TSHZ2: variants seen among roughly 807,000 people sequenced by gnomAD.
TSHZ2 encodes teashirt homolog 2.
In TSHZ2, 21 loss-of-function variants were observed where a neutral mutation model predicts 74.4. That is an observed-to-expected ratio of 0.28 (90% confidence interval 0.20 to 0.41). The LOEUF (loss-of-function observed/expected upper bound fraction) is 0.41. TSHZ2 is among the 10% of genes least tolerant of loss of function. The pLI, the probability that TSHZ2 is intolerant of heterozygous loss-of-function variation, is 1.00. For synonymous variants in TSHZ2, 540 were observed against 515.3 expected (o/e 1.05, Z -0.65); for missense variants, 1,244 against 1,293.5 (o/e 0.96, Z 0.59).
intron 1 of TSHZ2, among the ~76,000 whole-genome samples, chr20:53,113,749 T>A (rs183997432): frequency 6.9e-4 from 105 of 152,320 alleles, no homozygotes; most frequent in Non-Finnish European, 1.4e-3. Flanking sequence ...TCCCTTTTAG[T>A]ATTTGTGCTT....
chr20:53,369,072 G>A (rs1245464884), intron 2 of TSHZ2, among the ~76,000 whole-genome samples: 1 of 152,036 alleles, frequency 6.6e-6, no homozygotes, highest in Non-Finnish European at 1.5e-5. Flanking sequence ...GACCAGCCTG[G>A]GCAACATGGC....
rs1427215868 is a variant in TSHZ2 at position 53,201,340 on chromosome 20, A to T, written c.41-52159A>T. 5.3e-5 allele frequency among the ~76,000 whole-genome samples: 8 copies of T among 152,268 alleles called. No individual in the cohort carries two copies. In the East Asian group the frequency reaches 1.5e-3, roughly 29 times the overall value. ...GGCCCACATTCCTTCGGGAGGCTCC[A>T]GAGGAGATTCTTTTTCCAGCTTCTA... On this transcript the variant is annotated intron_variant, in intron 1 of 2. Transcript: ENST00000371497.
chr20:53,400,295 A>G (rs1264186256), intron 2 of TSHZ2: 4 of 152,200 alleles, frequency 2.6e-5, no homozygotes, highest in Non-Finnish European at 4.4e-5. Flanking sequence ...TTTCAAGTCT[A>G]TGGTCTTTCA....
chr20:53,255,444 C>G lies in TSHZ2; in HGVS notation c.1986C>G (p.Ser662Arg). Residue 662 changes from serine to arginine, a missense_variant, in exon 2 of 3, where the codon AGC (serine) becomes AGG (arginine). By Grantham distance (110) the Ser-to-Arg change is moderately radical (BLOSUM62 -1). Coordinates refer to ENST00000371497, the MANE Select transcript of TSHZ2 (RefSeq NM_173485.6). This position sits in a 1 kb window ranked among gnomAD's most constrained non-coding sequence, Gnocchi z 4.1. The stretch of plus-strand genomic sequence containing the variant: ...AGGAGAAGCTGATGAAAGAGGGCAG[C>G]GAGAAGGAGAAACCCCAGCCCCTGG... ...KEEEKLMKEG[S>R]EKEKPQPLEP... 8 of 1,611,412 alleles carry G rather than the reference C, an allele frequency of 5.0e-6. No individual in the cohort carries two copies. The highest frequency in any genetic ancestry group is 6.8e-6 in the Non-Finnish European group (8 of 1,179,934).
At chr20:53,062,819 T>C (rs754534546) in intron 1 of TSHZ2, among the ~76,000 whole-genome samples, 1 of 152,238 alleles carries the variant, frequency 6.6e-6, no homozygotes, top group Non-Finnish European at 1.5e-5. Context: ...ACAAGAGGCC[T>C]AGCTTTCAGC....
chr20:53,434,590 T>C (rs933640861), intron 2 of TSHZ2, among the ~76,000 whole-genome samples: 3 of 152,200 alleles, frequency 2.0e-5, no homozygotes, highest in Admixed American at 6.5e-5. Flanking sequence ...GTTAGGGGGA[T>C]ATTAGACTTG....
Position 52,980,816 on chromosome 20 carries a change from G to T in TSHZ2, c.40+7483G>T, listed in dbSNP as rs142615068. On this transcript the variant is annotated intron_variant, in intron 1 of 2. Transcript: ENST00000371497. ...CAAGGTCTTCTATAGGGGAAAAATGGCTTGTGTAAGTGAGAGCAGTGGCAT... is the reference window on the plus strand; with the variant it reads ...CAAGGTCTTCTATAGGGGAAAAATGTCTTGTGTAAGTGAGAGCAGTGGCAT... Among the ~76,000 whole-genome samples, 51 of 152,246 alleles carry T rather than the reference G, an allele frequency of 3.3e-4. No individual in the cohort carries two copies. In the East Asian group the frequency reaches 9.6e-3, roughly 29 times the overall value.
At chr20:53,160,362 C>A (rs937316804) in intron 1 of TSHZ2, among the ~76,000 whole-genome samples, 4 of 152,264 alleles carry the variant, frequency 2.6e-5, no homozygotes, top group African/African-American at 7.2e-5. Context: ...GAGTCTAATC[C>A]CTAGTCGTGC....
At chr20:53,169,225 C>T (rs1464469747) in intron 1 of TSHZ2, among the ~76,000 whole-genome samples, 1 of 152,146 alleles carries the variant, frequency 6.6e-6, no homozygotes, top group Admixed American at 6.5e-5. Context: ...AGAGTTGGTT[C>T]TCACCTTTCT....
intron 1 of TSHZ2, among the ~76,000 whole-genome samples, chr20:53,150,463 A>C (rs566686618): frequency 9.7e-4 from 147 of 152,304 alleles, no homozygotes; most frequent in African/African-American, 3.5e-3. Flanking sequence ...TGGTTGAAAA[A>C]TTTTGTAAAA....
intron 1 of TSHZ2, among the ~76,000 whole-genome samples, chr20:53,237,360 AC>A (rs1281994636): frequency 6.6e-6 from 1 of 152,110 alleles, no homozygotes; most frequent in Non-Finnish European, 1.5e-5. Flanking sequence ...GATGGTAGAA[AC>A]CTTCAAACCA....
chr20:53,157,406 G>GCT lies in TSHZ2; in HGVS notation c.41-96093_41-96092insCT, dbSNP rs1555831029. ...TGTTCTATCCTCCAACATTGAGTTG[G>GCT]TTTTTTTTTTTTTTTTTAGAGACAG... On this transcript the variant is annotated intron_variant, in intron 1 of 2. Transcript: ENST00000371497. 8.9e-5 allele frequency among the ~76,000 whole-genome samples: 12 copies of GCT among 134,806 alleles called. No individual in the cohort carries two copies. In the East Asian group the frequency reaches 2.6e-3, roughly 29 times the overall value. 88.4% of individuals were successfully genotyped at this position (134,806 alleles called of 152,430 possible).
At chr20:53,186,065 C>T (rs1205046797) in intron 1 of TSHZ2, among the ~76,000 whole-genome samples, 7 of 152,194 alleles carry the variant, frequency 4.6e-5, no homozygotes, top group Non-Finnish European at 5.9e-5. Flanking sequence ...CTATGACTAA[C>T]ATTGATTTGG....
rs997603908 is a variant in TSHZ2 at position 53,035,151 on chromosome 20, G to A, written c.40+61818G>A. Among the ~76,000 whole-genome samples the A allele has an allele frequency of 2.6e-5, 4 of 152,182 alleles. No individual in the cohort carries two copies. In the East Asian group the frequency reaches 5.8e-4, roughly 22 times the overall value. On this transcript the variant is annotated intron_variant, in intron 1 of 2. Coordinates refer to ENST00000371497, the MANE Select transcript of TSHZ2 (RefSeq NM_173485.6). ...GCACCTGGCCTCTGTCAGCCCACAC[G>A]ACTACAAGCCTGGAAGCCTCAAGTT...
At chr20:53,026,754 A>C (rs562054138) in intron 1 of TSHZ2, among the ~76,000 whole-genome samples, 1 of 152,196 alleles carries the variant, frequency 6.6e-6, no homozygotes, top group Non-Finnish European at 1.5e-5. Flanking sequence ...AGTATGTACT[A>C]TTTTGTAATA....
At chr20:53,224,266 T>C (rs1989631688) in intron 1 of TSHZ2, among the ~76,000 whole-genome samples, 2 of 152,204 alleles carry the variant, frequency 1.3e-5, no homozygotes, top group African/African-American at 4.8e-5. Flanking sequence ...AAAGGGGATA[T>C]GCATGTGAAA....
intron 1 of TSHZ2, among the ~76,000 whole-genome samples, chr20:53,051,926 A>G (rs1047425446): frequency 1.1e-4 from 17 of 152,366 alleles, no homozygotes; most frequent in African/African-American, 3.8e-4. Context: ...GTTGCTTCAC[A>G]TAGATAATAT....
At chr20:53,296,710 G>A (rs1044910577) in intron 2 of TSHZ2, among the ~76,000 whole-genome samples, 2 of 152,204 alleles carry the variant, frequency 1.3e-5, no homozygotes, top group Non-Finnish European at 2.9e-5. Flanking sequence ...TAAGGTTAGG[G>A]TGATACAAAC....
chr20:53,188,942 T>A (rs944280067), intron 1 of TSHZ2, among the ~76,000 whole-genome samples: 3 of 152,180 alleles, frequency 2.0e-5, no homozygotes, highest in Admixed American at 6.5e-5. Context: ...AATATGATTA[T>A]CCCCATTTTT....
Sources: allele counts gnomAD v4.1 joint callset (sites outside exome capture counted in the v4.1 genomes callset), GRCh38; gene constraint gnomAD v4.1.1; non-coding constraint Gnocchi (gnomAD v3.1); transcripts MANE v1.5; gene names NCBI Gene and HGNC (gene_info 2026-07-23, HGNC 2026-07-21).